Variants in SLC13A3 observed in about 807,000 individuals in gnomAD.
The protein encoded by SLC13A3 is Na(+)/dicarboxylate cotransporter 3.
SLC13A3 carries 40 observed loss-of-function variants against 59.0 expected under a neutral mutation model. That is an observed-to-expected ratio of 0.68 (90% CI 0.53 to 0.88). The LOEUF (loss-of-function observed/expected upper bound fraction) is 0.88, where lower values mean the gene tolerates loss of function less well. SLC13A3 is among the 40% of genes least tolerant of loss of function. The probability of loss-of-function intolerance (pLI) is 0.00; values close to 1 mark genes in which losing one functional copy is unlikely to be tolerated. For missense variants in SLC13A3, 699 were observed against 783.2 expected (o/e 0.89, Z 1.28); for synonymous variants, 317 against 330.3 (o/e 0.96, Z 0.44).
intron 1 of SLC13A3, among the ~76,000 whole-genome samples, chr20:46,668,881 C>A (rs1342335710): frequency 6.6e-6 from 1 of 152,202 alleles, no homozygotes; most frequent in Non-Finnish European, 1.5e-5. Context: ...CTGTTTACAG[C>A]ATGTTTTACT....
chr20:46,638,178 C>CA (rs1481551884), intron 1 of SLC13A3, among the ~76,000 whole-genome samples: 1 of 152,204 alleles, frequency 6.6e-6, no homozygotes, highest in Non-Finnish European at 1.5e-5. Flanking sequence ...GAGCCCATAC[C>CA]TGCGGCTGGG....
chr20:46,625,183 A>G (rs2062655636), intron 1 of SLC13A3, among the ~76,000 whole-genome samples: 1 of 152,202 alleles, frequency 6.6e-6, no homozygotes. Context: ...GGAGACAATA[A>G]TCTCTCTTTC....
chr20:46,612,829 G>C (rs1050574497), intron 2 of SLC13A3, among the ~76,000 whole-genome samples: 3 of 152,100 alleles, frequency 2.0e-5, no homozygotes, highest in African/African-American at 4.8e-5. Context: ...AGTGCCCGAG[G>C]CTCTTTAGGA....
intron 8 of SLC13A3, chr20:46,585,871 C>T (rs1372243034): frequency 9.1e-6 from 10 of 1,101,334 alleles, no homozygotes; most frequent in African/African-American, 1.7e-5. Flanking sequence ...GAATTTATGT[C>T]ACCCATTTTA....
At chr20:46,618,102 C>A (rs1293733187) in intron 1 of SLC13A3, among the ~76,000 whole-genome samples, 2 of 152,162 alleles carry the variant, frequency 1.3e-5, no homozygotes, top group African/African-American at 4.8e-5. Flanking sequence ...GTTTCACTTT[C>A]ATCTTAGGTC....
upstream of SLC13A3, among the ~76,000 whole-genome samples, chr20:46,674,602 C>CGTGTGTGGT (rs142752461): frequency 1.7e-5 from 2 of 114,414 alleles, no homozygotes; most frequent in Non-Finnish European, 1.8e-5. Flanking sequence ...CGCGCGCGCG[C>CGTGTGTGGT]GCGTGTGTGT....
intron 1 of SLC13A3, among the ~76,000 whole-genome samples, chr20:46,656,750 A>G (rs1259407232): frequency 6.6e-6 from 1 of 151,878 alleles, no homozygotes. Context: ...TTTCAGTGAT[A>G]CAGATGTTAG....
upstream of SLC13A3, among the ~76,000 whole-genome samples, chr20:46,674,602 CGCGTGTGT>C (rs1312016743): frequency 2.4e-4 from 27 of 114,458 alleles, no homozygotes; most frequent in African/African-American, 7.3e-4. Context: ...CGCGCGCGCG[CGCGTGTGT>C]GTGTGTGTGT....
chr20:46,610,230 G>C (rs11907603), intron 3 of SLC13A3, among the ~76,000 whole-genome samples: 47,612 of 152,140 alleles, frequency 0.31, 7,697 homozygotes, highest in South Asian at 0.43. Context: ...TCACTGCTCA[G>C]TATACAGTAT....
At chr20:46,677,511 C>T (rs987752003) in intron 1 of SLC13A3, among the ~76,000 whole-genome samples, 1 of 152,094 alleles carries the variant, frequency 6.6e-6, no homozygotes, top group African/African-American at 2.4e-5. Flanking sequence ...AAAGAGAGCC[C>T]CCAGGTTTGG....
Position 46,596,146 on chromosome 20 carries a change from C to T in SLC13A3, c.794+11G>A. ...AGAACCCTCCCCGCCGGTGGGGACT[C>T]TCGCTTTCACCTCTTGAGCTGGCCA... On this transcript the variant is annotated intron_variant, in intron 5 of 12. Transcript: ENST00000279027. 1 of 1,611,130 alleles carries T rather than the reference C, an allele frequency of 6.2e-7. No homozygotes were observed. Among genetic ancestry groups the T allele is most frequent in the Non-Finnish European group, 8.5e-7 (1 of 1,178,758 alleles).
chr20:46,598,425 T>G (rs532383607), intron 4 of SLC13A3, among the ~76,000 whole-genome samples: 35 of 152,224 alleles, frequency 2.3e-4, no homozygotes, highest in South Asian at 6.2e-4. Flanking sequence ...GAGCAAACAC[T>G]TTTTTGTTCA....
chr20:46,626,202 CCTCT>C (rs553773654), intron 1 of SLC13A3, among the ~76,000 whole-genome samples: 24 of 148,842 alleles, frequency 1.6e-4, no homozygotes, highest in African/African-American at 4.7e-4. Context: ...CTTCCCACTC[CCTCT>C]GTCTGTCCTC....
intron 1 of SLC13A3, among the ~76,000 whole-genome samples, chr20:46,628,209 C>A (rs1427517728): frequency 1.3e-5 from 2 of 152,166 alleles, no homozygotes; most frequent in Admixed American, 6.5e-5. Context: ...ATTTTAACTT[C>A]TGGAGTTCAG....
At chr20:46,614,503 G>T (rs188525382) in intron 1 of SLC13A3, among the ~76,000 whole-genome samples, 1 of 152,338 alleles carries the variant, frequency 6.6e-6, no homozygotes, top group Admixed American at 6.5e-5. Flanking sequence ...CGGAAATGGT[G>T]AGCACCAGTG....
chr20:46,653,199 A>G (rs1243441333), upstream of SLC13A3, among the ~76,000 whole-genome samples: 11 of 152,194 alleles, frequency 7.2e-5, no homozygotes, highest in Admixed American at 7.2e-4. Flanking sequence ...CCCCGTCTGT[A>G]GCTTGTCTTT....
intron 10 of SLC13A3, among the ~76,000 whole-genome samples, chr20:46,571,508 T>G (rs192612408): frequency 5.8e-4 from 89 of 152,276 alleles, no homozygotes; most frequent in African/African-American, 2.1e-3. Context: ...TTCCATACAT[T>G]ATGTTAGCAA....
At chr20:46,653,357 C>T (rs1399101793), upstream of SLC13A3, among the ~76,000 whole-genome samples, 1 of 152,138 alleles carries the variant, frequency 6.6e-6, no homozygotes, top group Admixed American at 6.5e-5. Flanking sequence ...TTGCTTTGTT[C>T]TCACAGAAGT....
chr20:46,597,294 T>C (rs928802419), intron 4 of SLC13A3, among the ~76,000 whole-genome samples: 2 of 152,140 alleles, frequency 1.3e-5, no homozygotes, highest in African/African-American at 4.8e-5. Context: ...GTTGGCATTA[T>C]TGAGATGAAA....
Sources: allele counts gnomAD v4.1 joint callset (sites outside exome capture counted in the v4.1 genomes callset), GRCh38; gene constraint gnomAD v4.1.1; transcripts MANE v1.5; gene names NCBI Gene and HGNC (gene_info 2026-07-23, HGNC 2026-07-21).